ZNF831: variants seen among roughly 807,000 people sequenced by gnomAD.
ZNF831 encodes chromosome 20 open reading frame 174.
A neutral mutation model predicts 95.8 loss-of-function variants in ZNF831; 59 were observed. The observed-to-expected ratio is 0.62, with a 90% CI of 0.50 to 0.77. The LOEUF (loss-of-function observed/expected upper bound fraction) is 0.77, where lower values mean the gene tolerates loss of function less well. ZNF831 is among the 30% of genes least tolerant of loss of function. The pLI is 0.00. For missense variants in ZNF831, 2,205 were observed against 2,164.0 expected (o/e 1.02, Z -0.38); for synonymous variants, 961 against 925.5 (o/e 1.04, Z -0.70).
chr20:59,203,167 A>G (rs934373780), intron 3 of ZNF831, among the ~76,000 whole-genome samples: 7 of 152,154 alleles, frequency 4.6e-5, no homozygotes, highest in African/African-American at 1.7e-4. Flanking sequence ...AAATATGCAG[A>G]TATGTTATCT....
intron 3 of ZNF831, among the ~76,000 whole-genome samples, chr20:59,203,114 A>G (rs1984647840): frequency 6.6e-6 from 1 of 152,126 alleles, no homozygotes; most frequent in South Asian, 2.1e-4. Flanking sequence ...ACTTTTTGGT[A>G]TATCTAAGAA....
intron 4 of ZNF831, among the ~76,000 whole-genome samples, chr20:59,226,359 G>A (rs1986432670): frequency 6.6e-6 from 1 of 151,990 alleles, no homozygotes; most frequent in South Asian, 2.1e-4. Flanking sequence ...GATGCTGTTG[G>A]TGTCCTGTCT....
intron 1 of ZNF831, among the ~76,000 whole-genome samples, chr20:59,145,730 A>T (rs919994877): frequency 1.3e-5 from 2 of 152,118 alleles, no homozygotes; most frequent in African/African-American, 4.8e-5. Flanking sequence ...GAGGAGAGAA[A>T]ATCCTTCTCA....
intron 4 of ZNF831, among the ~76,000 whole-genome samples, chr20:59,225,776 G>A (rs6015455): frequency 0.039 from 5,896 of 152,284 alleles, 394 homozygotes; most frequent in African/African-American, 0.13. Flanking sequence ...CAGGGAAATC[G>A]TGCAATGTCT....
At chr20:59,156,603 G>C (rs1980557878) in intron 2 of ZNF831, among the ~76,000 whole-genome samples, 1 of 152,146 alleles carries the variant, frequency 6.6e-6, no homozygotes, top group Non-Finnish European at 1.5e-5. Context: ...CTGTGTACTA[G>C]GCCTCCAGAA....
chr20:59,246,203 C>T (rs139357890), intron 4 of ZNF831, among the ~76,000 whole-genome samples: 30 of 152,116 alleles, frequency 2.0e-4, no homozygotes, highest in Non-Finnish European at 3.4e-4. Flanking sequence ...CCAGAGCCCT[C>T]TTCTCTCTCT....
intron 2 of ZNF831, chr20:59,147,139 G>A (rs1340299950): frequency 6.6e-6 from 1 of 152,250 alleles, no homozygotes; most frequent in Non-Finnish European, 1.5e-5. Flanking sequence ...GAGAAAAGGG[G>A]GAAAAGAGGC....
chr20:59,198,440 T>G (rs1338494335), intron 3 of ZNF831, among the ~76,000 whole-genome samples: 1 of 152,258 alleles, frequency 6.6e-6, no homozygotes, highest in African/African-American at 2.4e-5. Context: ...AGAGCTGTGT[T>G]CCCTGCTGCG....
At chr20:59,165,193 C>T (rs1383831134) in intron 1 of ZNF831, among the ~76,000 whole-genome samples, 4 of 152,024 alleles carry the variant, frequency 2.6e-5, no homozygotes, top group African/African-American at 7.2e-5. Context: ...GCAGGGTTAC[C>T]CAAAAGCACC....
chr20:59,184,245 C>G (rs987260722), intron 1 of ZNF831, among the ~76,000 whole-genome samples: 1 of 152,134 alleles, frequency 6.6e-6, no homozygotes. Flanking sequence ...GAATAATATT[C>G]CATTGTCTGG....
chr20:59,182,256 AG>A (rs1358642293), intron 1 of ZNF831, among the ~76,000 whole-genome samples: 1 of 152,228 alleles, frequency 6.6e-6, no homozygotes, highest in Non-Finnish European at 1.5e-5. Flanking sequence ...AAGATGTCTC[AG>A]GCAGATCAAG....
At chr20:59,236,209 T>A (rs1306471055) in intron 4 of ZNF831, among the ~76,000 whole-genome samples, 4 of 152,212 alleles carry the variant, frequency 2.6e-5, no homozygotes, top group Admixed American at 2.0e-4. Context: ...TCTGCCTCTG[T>A]GCAGCCAGGT....
intron 4 of ZNF831, among the ~76,000 whole-genome samples, chr20:59,244,686 C>T (rs1032139668): frequency 6.6e-6 from 1 of 152,220 alleles, no homozygotes; most frequent in African/African-American, 2.4e-5. Flanking sequence ...CAAATACAGA[C>T]AGACACCTTT....
At chr20:59,252,826 G>A in intron 4 of ZNF831, 152 bp from the exon 5 acceptor site, 1 of 703,040 alleles carries the variant, frequency 1.4e-6, no homozygotes, top group African/African-American at 1.8e-5. Context: ...ATGTGAATTG[G>A]TTGGAGATAA....
At position 59,254,881 on chromosome 20, in the gene ZNF831, G is replaced by GCCAACTCCAACCAACTTCTGACCC; in HGVS notation, c.*146_*169dup. ...GAAAGCCATTTTGAGTTATTTACAA[G>GCCAACTCCAACCAACTTCTGACCC]CCAACTCCAACCAACTTCTGACCCC... On this transcript the variant is annotated 3_prime_UTR_variant, in exon 6 of 6. Transcript: ENST00000371030. This position sits in a 1 kb window ranked among gnomAD's most constrained non-coding sequence, Gnocchi z 4.5. The GCCAACTCCAACCAACTTCTGACCC allele has an allele frequency of 7.8e-7, 1 of 1,285,108 alleles. No individual in the cohort carries two copies. The highest frequency in any genetic ancestry group is 1.1e-6 in the Non-Finnish European group (1 of 948,480). The allele number at this position is 1,285,108 out of a possible 1,614,324, so 79.6% of individuals were successfully genotyped here. A position where few individuals can be genotyped will look rare whatever the true frequency, so the allele number is the denominator to read the frequency against.
In ZNF831 at chr20:59,193,316, G is replaced by T. The variant is rs370672432; in HGVS notation, c.2297G>T (p.Gly766Val). 3.7e-6 allele frequency: 6 copies of T among 1,612,520 alleles called. No individual in the cohort carries two copies. Among genetic ancestry groups the T allele is most frequent in the African/African-American group, 1.3e-5 (1 of 74,876 alleles). The change falls in exon 2 of 6, where the codon GGC becomes GTC. Residue 766 changes from glycine to valine, a missense_variant. By Grantham distance (109) the Gly-to-Val change is moderately radical. Coordinates refer to ENST00000371030, the MANE Select transcript of ZNF831 (RefSeq NM_178457.3). ...ELGWQMPPAP[G>V]PLKGGDVEAP... The stretch of plus-strand genomic sequence containing the variant: ...GGGTGGCAGATGCCCCCAGCACCTG[G>T]CCCCCTCAAAGGGGGTGATGTAGAG...
intron 1 of ZNF831, among the ~76,000 whole-genome samples, chr20:59,173,338 A>T (rs1981888998): frequency 6.6e-6 from 1 of 152,242 alleles, no homozygotes. Flanking sequence ...TTTCAGCAAC[A>T]TCAGCCCTGT....
At chr20:59,251,306 C>T (rs1324768654) in intron 4 of ZNF831, among the ~76,000 whole-genome samples, 2 of 152,090 alleles carry the variant, frequency 1.3e-5, no homozygotes, top group African/African-American at 4.8e-5. Context: ...AAAGAAGAGC[C>T]TCGGGGATTC....
At chr20:59,235,202 C>T (rs147868181) in intron 4 of ZNF831, among the ~76,000 whole-genome samples, 99 of 152,198 alleles carry the variant, frequency 6.5e-4, no homozygotes, top group African/African-American at 2.1e-3. Context: ...GGATGAAGTG[C>T]CATTTTCATC....
Sources: gnomAD v4.1 joint callset for allele counts (sites outside exome capture counted in the v4.1 genomes callset) on GRCh38, gnomAD v4.1.1 for gene constraint, Gnocchi (gnomAD v3.1) non-coding constraint, MANE v1.5 for transcripts, NCBI Gene and HGNC (gene_info 2026-07-23, HGNC 2026-07-21) for gene names.